Variants in GRAMD2A observed in about 807,000 individuals in gnomAD.
The protein encoded by GRAMD2A is GRAM domain-containing protein 2A.
In GRAMD2A, 37 loss-of-function variants were observed where a neutral mutation model predicts 51.1. That is an observed-to-expected ratio of 0.72 (90% CI 0.56 to 0.95). The LOEUF (loss-of-function observed/expected upper bound fraction) is 0.95. Among genes scored for constraint, GRAMD2A ranks in the 40% least tolerant of loss-of-function variants. GRAMD2A has a pLI of 0.00. For synonymous variants in GRAMD2A, 136 were observed against 157.1 expected (o/e 0.87, Z 1.01); for missense variants, 414 against 426.9 (o/e 0.97, Z 0.27).
At chr15:72,165,455 G>A (rs770838692) in intron 7 of GRAMD2A, 45 bp from the exon 8 acceptor site, 27 of 1,577,984 alleles carry the variant, frequency 1.7e-5, no homozygotes, top group Middle Eastern at 3.3e-4. Context: ...TCTGGAACAG[G>A]CAAGGTCAGG....
Position 72,162,334 on chromosome 15 carries a change from TA to T in GRAMD2A, c.999del (p.Ile334PhefsTer4). ...LVMSSSYLAFRISRLEQQLCS... is the reference protein window; with the variant it reads ...LVMSSSYLAFXISRLEQQLCS... The stretch of plus-strand genomic sequence containing the variant: ...CATAACTGCTGCTCTAGCCGAGAAA[TA>T]CGGAACGCCAGGTAGGATGAGGACA... On this transcript the variant is annotated frameshift_variant, in exon 11 of 12. Transcript: ENST00000309731. LOFTEE classifies it high-confidence loss of function. The T allele has an allele frequency of 6.2e-7, 1 of 1,614,044 alleles. No homozygotes were observed. Among genetic ancestry groups the T allele is most frequent in the Non-Finnish European group, 8.5e-7 (1 of 1,179,986 alleles).
Position 72,163,719 on chromosome 15 carries a change from G to A in GRAMD2A, c.639C>T (p.Cys213=). The change falls in exon 9 of 12, where the codon TGC becomes TGT. Residue 213 remains cysteine, a synonymous_variant. Coordinates refer to ENST00000309731, the MANE Select transcript of GRAMD2A (RefSeq NM_001012642.3). ...LIPEMKWRKV[C]PSSRSLSLPD... is the part of the protein sequence containing the mutation. Reference sequence around the variant, plus strand: ...GGAGAGACAGGGACCTGGAGGAAGGGCATACCTTTCTCCACTTCATCTCAG... The same window carrying A: ...GGAGAGACAGGGACCTGGAGGAAGGACATACCTTTCTCCACTTCATCTCAG... 1 of 1,609,996 alleles carries A rather than the reference G, an allele frequency of 6.2e-7. No individual in the cohort carries two copies. Among genetic ancestry groups the A allele is most frequent in the Non-Finnish European group, 8.5e-7 (1 of 1,178,616 alleles).
chr15:72,163,586 G>A (rs1370309243), intron 9 of GRAMD2A, 27 bp downstream of exon 9: 1 of 1,590,554 alleles, frequency 6.3e-7, no homozygotes, highest in Admixed American at 1.8e-5. Context: ...GCAAGTAGTT[G>A]CCATGGACAA....
At position 72,163,314 on chromosome 15, in the gene GRAMD2A, C is replaced by G; in HGVS notation, c.908G>C (p.Gly303Ala). ...DELEEEPRST[G>A]ELRLWDYRLL... is the part of the protein sequence containing the mutation. ...CCGGTAATCCCAGAGCCTCAGCTCC[C>G]CAGTGCTCCTGGGCTCCTCCTCCAG... is the stretch of plus-strand genomic sequence containing the variant. The change falls in exon 10 of 12, where the codon GGG becomes GCG. Residue 303 changes from glycine (G) to alanine (A), a missense_variant. Physicochemically the swap from Gly to Ala is moderately conservative, Grantham distance 60 (BLOSUM62 0). Coordinates refer to ENST00000309731, the MANE Select transcript of GRAMD2A (RefSeq NM_001012642.3). The G allele has an allele frequency of 1.2e-6, 2 of 1,613,032 alleles. No homozygotes were observed. The highest frequency in any genetic ancestry group is 1.7e-6 in the Non-Finnish European group (2 of 1,179,010).
chr15:72,170,203 T>G lies in GRAMD2A; in HGVS notation c.42-264A>C. Reference sequence around the variant, plus strand: ...GCCTAGGCTGGGAGGAAAATCAACCTGTCTACCTCATCTCCAGTGCCAGGC... The same window carrying G: ...GCCTAGGCTGGGAGGAAAATCAACCGGTCTACCTCATCTCCAGTGCCAGGC... On this transcript the variant is annotated intron_variant, in intron 1 of 11. Coordinates refer to ENST00000309731, the MANE Select transcript of GRAMD2A (RefSeq NM_001012642.3). This position sits in a 1 kb window ranked among gnomAD's most constrained non-coding sequence, Gnocchi z 4.5. 1.7e-6 allele frequency: 1 copy of G among 591,964 alleles called. No homozygotes were observed. 36.7% of individuals were successfully genotyped at this position (591,964 alleles called of 1,614,324 possible). A position where few individuals can be genotyped will look rare whatever the true frequency, so the allele number is the denominator to read the frequency against.
chr15:72,197,662 G>T, intron 1 of GRAMD2A, 69 bp downstream of exon 1: 1 of 1,206,936 alleles, frequency 8.3e-7, no homozygotes, highest in South Asian at 2.7e-5. Context: ...GTCCTGCCCC[G>T]CGCGGCAGCA....
Position 72,190,778 on chromosome 15 carries a change from A to G in GRAMD2A, c.41+6953T>C, listed in dbSNP as rs189530165. 1.2e-3 allele frequency among the ~76,000 whole-genome samples: 189 copies of G among 152,308 alleles called. 1 individual carries two copies. The highest frequency in any genetic ancestry group is 4.3e-3 in the African/African-American group (178 of 41,566). On this transcript the variant is annotated intron_variant, in intron 1 of 11. Transcript: ENST00000309731. ...AGGAGTATGTTTCTGGGAAGAGAGC[A>G]TTTCACTTTTATTAGACTCTCAACG...
At chr15:72,178,564 C>CTTTT (rs1269653722) in intron 1 of GRAMD2A, among the ~76,000 whole-genome samples, 1 of 137,184 alleles carries the variant, frequency 7.3e-6, no homozygotes, top group Admixed American at 7.2e-5. Flanking sequence ...CTGTCTTGCA[C>CTTTT]TTTCTTTTTT....
intron 1 of GRAMD2A, among the ~76,000 whole-genome samples, chr15:72,174,090 G>A (rs1240124131): frequency 7.2e-5 from 11 of 152,132 alleles, no homozygotes; most frequent in African/African-American, 2.2e-4. Context: ...GCCAAAATGA[G>A]TAAACCTGCC....
At chr15:72,174,175 G>T (rs537227027) in intron 1 of GRAMD2A, among the ~76,000 whole-genome samples, 3 of 152,150 alleles carry the variant, frequency 2.0e-5, no homozygotes, top group African/African-American at 7.2e-5. Flanking sequence ...TTATTTTGAC[G>T]AATGAAAATA....
In GRAMD2A at chr15:72,161,885, GA is replaced by G. The variant is rs2081479561; in HGVS notation, c.*123del. 2.1e-6 allele frequency: 2 copies of G among 969,834 alleles called. No homozygotes were observed. The highest frequency in any genetic ancestry group is 4.8e-5 in the East Asian group (2 of 41,680). The allele number at this position is 969,834 out of a possible 1,614,324, so 60.1% of individuals were successfully genotyped here. On this transcript the variant is annotated 3_prime_UTR_variant, in exon 12 of 12. Coordinates refer to ENST00000309731, the MANE Select transcript of GRAMD2A (RefSeq NM_001012642.3). ...AGCTGCGGGGAGGAGGAGGGATCTG[GA>G]ATATTTTCCTTCATAGGCAGTCTTA... is the stretch of plus-strand genomic sequence containing the variant.
intron 1 of GRAMD2A, among the ~76,000 whole-genome samples, chr15:72,184,473 C>T (rs2081720876): frequency 6.6e-6 from 1 of 152,222 alleles, no homozygotes; most frequent in Non-Finnish European, 1.5e-5. Flanking sequence ...TGCTGGGCTC[C>T]CGGGAAAAGG....
rs113552922 is a variant in GRAMD2A, at chr15:72,162,197, G to A, written c.1061+76C>T. On this transcript the variant is annotated intron_variant, in intron 11 of 11. Transcript: ENST00000309731. ...TCAAAACAGGACCAAGTCCAGCCAG[G>A]CAGCCTGGCCTGAGGTTCTTGGCTC... is the stretch of plus-strand genomic sequence containing the variant. 1.9e-3 allele frequency: 2,588 copies of A among 1,388,772 alleles called. 37 individuals are homozygous for A. In the African/African-American group the frequency reaches 0.031, roughly 16 times the overall value. The allele number at this position is 1,388,772 out of a possible 1,614,324, so 86.0% of individuals were successfully genotyped here.
At chr15:72,165,475 G>T in intron 7 of GRAMD2A, 65 bp from the exon 8 acceptor site, 1 of 1,471,154 alleles carries the variant, frequency 6.8e-7, no homozygotes. Context: ...GCAGGGGGAA[G>T]CATCAGCCCT....
At position 72,170,469 on chromosome 15, in the gene GRAMD2A, C is replaced by T. The variant is rs1197844633; in HGVS notation, c.42-530G>A. The T allele has an allele frequency of 4.4e-6, 2 of 452,360 alleles. No individual in the cohort carries two copies. The highest frequency in any genetic ancestry group is 8.9e-6 in the Non-Finnish European group (2 of 224,886). The allele number at this position is 452,360 out of a possible 1,614,324, so 28.0% of individuals were successfully genotyped here. Reference sequence around the variant, plus strand: ...CCCATCAGCCTACAGGTGAGTGTGGCCAGGAGGGGAGGAGCCGTCTTATAC... The same window carrying T: ...CCCATCAGCCTACAGGTGAGTGTGGTCAGGAGGGGAGGAGCCGTCTTATAC... On this transcript the variant is annotated intron_variant, in intron 1 of 11. Transcript: ENST00000309731. This position sits in a 1 kb window ranked among gnomAD's most constrained non-coding sequence, Gnocchi z 4.5.
chr15:72,170,510 G>A lies in GRAMD2A; in HGVS notation c.42-571C>T, dbSNP rs561388006. 2.3e-6 allele frequency: 1 copy of A among 435,800 alleles called. No individual in the cohort carries two copies. Among genetic ancestry groups the A allele is most frequent in the Non-Finnish European group, 4.6e-6 (1 of 216,896 alleles). The allele number at this position is 435,800 out of a possible 1,614,324, so 27.0% of individuals were successfully genotyped here. On this transcript the variant is annotated intron_variant, in intron 1 of 11. Transcript: ENST00000309731. This position sits in a 1 kb window ranked among gnomAD's most constrained non-coding sequence, Gnocchi z 4.5. ...CGTCTTATACCAGGAAGTGGCCTCA[G>A]CCACCTTGGACAGTCAGGACAGCTT...
intron 3 of GRAMD2A, 56 bp from the exon 4 acceptor site, chr15:72,168,622 G>C: frequency 6.9e-7 from 1 of 1,456,764 alleles, no homozygotes. Flanking sequence ...CGCCAAAGGG[G>C]CCCTGCTCCA....
chr15:72,192,509 CT>C (rs898613413), intron 1 of GRAMD2A, among the ~76,000 whole-genome samples: 4 of 152,086 alleles, frequency 2.6e-5, no homozygotes, highest in African/African-American at 7.2e-5. Context: ...AATATCTAAA[CT>C]TTTTTCCTAC....
chr15:72,178,345 G>A (rs775371092), intron 1 of GRAMD2A, among the ~76,000 whole-genome samples: 39 of 152,096 alleles, frequency 2.6e-4, no homozygotes, highest in South Asian at 1.0e-3. Context: ...GGCAGAGGCC[G>A]GCTCTGAACC....
Sources: gnomAD v4.1 joint callset for allele counts (sites outside exome capture counted in the v4.1 genomes callset) on GRCh38, gnomAD v4.1.1 for gene constraint, Gnocchi (gnomAD v3.1) non-coding constraint, MANE v1.5 for transcripts, NCBI Gene and HGNC (gene_info 2026-07-23, HGNC 2026-07-21) for gene names.